PPWD1: variants seen among roughly 807,000 people sequenced by gnomAD.
PPWD1 encodes the protein peptidylprolyl isomerase domain and WD repeat containing 1.
In PPWD1, 43 loss-of-function variants were observed where a neutral mutation model predicts 68.8. That is an observed-to-expected ratio of 0.62 (90% CI 0.49 to 0.81). The LOEUF (loss-of-function observed/expected upper bound fraction) is 0.81, where lower values mean the gene tolerates loss of function less well. Ranked by LOEUF, PPWD1 falls within the 30% of genes least tolerant of loss-of-function variation. The probability of loss-of-function intolerance (pLI) is 0.00; values close to 1 mark genes in which losing one functional copy is unlikely to be tolerated. For missense variants in PPWD1, 672 were observed against 804.8 expected (o/e 0.83, Z 2.00); for synonymous variants, 232 against 258.7 (o/e 0.90, Z 0.99).
In PPWD1 at chr5:65,587,248, C is replaced by T. The variant is rs1477848322; in HGVS notation, c.1798-5C>T. On this transcript the variant is annotated splice_region_variant and splice_polypyrimidine_tract_variant and intron_variant, in intron 10 of 10. Coordinates refer to ENST00000261308, the MANE Select transcript of PPWD1 (RefSeq NM_015342.4). The stretch of plus-strand genomic sequence containing the variant: ...CCAAGATTTTCCATTTGTCCTCCAA[C>T]ACAGCCTTGGCTTGATAATAAGCAT... The T allele has an allele frequency of 5.0e-6, 8 of 1,596,372 alleles. No individual in the cohort carries two copies. Among genetic ancestry groups the T allele is most frequent in the South Asian group, 2.3e-5 (2 of 87,166 alleles).
chr5:65,577,182 A>G, intron 6 of PPWD1, 113 bp downstream of exon 6: 2 of 1,438,074 alleles, frequency 1.4e-6, no homozygotes, highest in Non-Finnish European at 1.8e-6. Flanking sequence ...AATGGCCCCA[A>G]ATGTCTAAAC....
chr5:65,582,981 A>G (rs1753661115), intron 7 of PPWD1, 57 bp from the exon 8 acceptor site: 36 of 1,448,212 alleles, frequency 2.5e-5, no homozygotes, highest in Non-Finnish European at 3.1e-5. Context: ...TGTTCATAAA[A>G]TTTTTACCAG....
intron 1 of PPWD1, chr5:65,563,739 CAG>C: frequency 7.0e-7 from 1 of 1,431,260 alleles, no homozygotes; most frequent in African/African-American, 1.4e-5. Context: ...TTTGTTATGA[CAG>C]ATGCTAAAAC....
rs1753899245 is a variant in PPWD1, at chr5:65,587,494, GTTTC to G, written c.*99_*102del. 2.1e-6 allele frequency: 2 copies of G among 934,112 alleles called. No homozygotes were observed. Among genetic ancestry groups the G allele is most frequent in the Non-Finnish European group, 2.9e-6 (2 of 678,686 alleles). The allele number at this position is 934,112 out of a possible 1,614,324, so 57.9% of individuals were successfully genotyped here. On this transcript the variant is annotated 3_prime_UTR_variant, in exon 11 of 11. Transcript: ENST00000261308. ...AGGACTTGCTGAATATACAGATCAT[GTTTC>G]AAAGATACAGTATTTTTGTATTTTT...
At chr5:65,578,791 T>TATATATAC (rs1753447955) in intron 6 of PPWD1, among the ~76,000 whole-genome samples, 2 of 145,510 alleles carry the variant, frequency 1.4e-5, no homozygotes, top group South Asian at 4.2e-4. Context: ...TGTGTATATA[T>TATATATAC]ATATACATAT....
intron 6 of PPWD1, among the ~76,000 whole-genome samples, chr5:65,577,836 T>C (rs1474913978): frequency 6.6e-6 from 1 of 152,110 alleles, no homozygotes; most frequent in Non-Finnish European, 1.5e-5. Context: ...ATTATCAACG[T>C]CCCCCACCAG....
intron 4 of PPWD1, 144 bp downstream of exon 4, chr5:65,570,142 A>G: frequency 1.6e-6 from 2 of 1,233,046 alleles, no homozygotes; most frequent in Non-Finnish European, 2.1e-6. Flanking sequence ...GGAAAATTAG[A>G]TACAGTGAAG....
intron 2 of PPWD1, chr5:65,568,818 T>C (rs1752882876): frequency 2.7e-6 from 1 of 367,002 alleles, no homozygotes; most frequent in Non-Finnish European, 5.4e-6. Context: ...GCACCTTTTC[T>C]AGTCTCAAGT....
intron 7 of PPWD1, among the ~76,000 whole-genome samples, chr5:65,581,042 A>G (rs1448145927): frequency 6.6e-6 from 1 of 152,204 alleles, no homozygotes; most frequent in Non-Finnish European, 1.5e-5. Context: ...ATTACAGTAT[A>G]TTCATTCATT....
intron 1 of PPWD1, among the ~76,000 whole-genome samples, chr5:65,565,025 A>C (rs1752669877): frequency 6.6e-6 from 1 of 152,196 alleles, no homozygotes; most frequent in African/African-American, 2.4e-5. Flanking sequence ...AATTTTGAAG[A>C]AGCTGTTTTT....
rs759451714 is a variant in PPWD1, at chr5:65,569,658, A to G, written c.326A>G (p.His109Arg). 6 of 1,596,600 alleles carry G rather than the reference A, an allele frequency of 3.8e-6. No homozygotes were observed. Among genetic ancestry groups the G allele is most frequent in the Non-Finnish European group, 5.1e-6 (6 of 1,166,268 alleles). Residue 109 changes from histidine to arginine, a missense_variant, in exon 3 of 11, where the codon CAT becomes CGT. Physicochemically the swap from His to Arg is conservative, Grantham distance 29. Around this residue, in one of 2 missense-constraint regions of PPWD1, gnomAD observed 188 missense variants for 158.6 expected, o/e 1.19. Transcript: ENST00000261308. ...TKTDFIITAS[H>R]DGHVKFWKKI... ...ACAGATTTTATTATTACTGCCAGTC[A>G]TGATGGACATGTCAAGTTCTGGAAA... is the stretch of plus-strand genomic sequence containing the variant.
In PPWD1 at chr5:65,587,418, C is replaced by A; in HGVS notation, c.*22C>A. 6.4e-7 allele frequency: 1 copy of A among 1,561,898 alleles called. No homozygotes were observed. Among genetic ancestry groups the A allele is most frequent in the Non-Finnish European group, 8.8e-7 (1 of 1,139,114 alleles). ...GTAAAATAAGATTTGTTTTAATGTA[C>A]TTGCAAATAAAAATACAATATTAAA... On this transcript the variant is annotated 3_prime_UTR_variant, in exon 11 of 11. Transcript: ENST00000261308.
chr5:65,579,388 G>A (rs1753492011), intron 6 of PPWD1, 36 bp from the exon 7 acceptor site: 1 of 1,419,290 alleles, frequency 7.0e-7, no homozygotes. Context: ...ATTAACTTCG[G>A]TGATTCTGTT....
At chr5:65,571,701 G>A (rs929097708) in intron 4 of PPWD1, 138 bp from the exon 5 acceptor site, 1 of 1,370,590 alleles carries the variant, frequency 7.3e-7, no homozygotes, top group Non-Finnish European at 9.7e-7. Context: ...TCCCCATTCT[G>A]TGTCTCTGCT....
At chr5:65,582,912 GAA>G (rs1397730863) in intron 7 of PPWD1, 124 bp from the exon 8 acceptor site, 2 of 1,263,474 alleles carry the variant, frequency 1.6e-6, no homozygotes, top group Non-Finnish European at 2.1e-6. Flanking sequence ...AGTGATTCCT[GAA>G]ATAAGGATTC....
At position 65,572,157 on chromosome 5, in the gene PPWD1, G is replaced by A. The variant is rs774843590; in HGVS notation, c.840G>A (p.Lys280=). ...DTDLYEFAKC[K]AYPTSVCFSP... ...ATTTATATGAATTTGCCAAGTGTAA[G>A]GCTTATCCAACCAGCGTATGTTTTT... The change falls in exon 5 of 11, where the codon AAG becomes AAA. Residue 280 remains lysine (K), a synonymous_variant. Coordinates refer to ENST00000261308, the MANE Select transcript of PPWD1 (RefSeq NM_015342.4). 6.2e-7 allele frequency: 1 copy of A among 1,614,022 alleles called. No individual in the cohort carries two copies. Among genetic ancestry groups the A allele is most frequent in the Non-Finnish European group, 8.5e-7 (1 of 1,179,952 alleles).
intron 7 of PPWD1, among the ~76,000 whole-genome samples, chr5:65,581,818 A>G (rs1753612701): frequency 6.6e-6 from 1 of 152,192 alleles, no homozygotes; most frequent in Non-Finnish European, 1.5e-5. Flanking sequence ...GAGTCTTACT[A>G]GTACATATTC....
At chr5:65,576,824 A>G (rs2150600426) in intron 5 of PPWD1, 55 bp from the exon 6 acceptor site, 2 of 1,553,554 alleles carry the variant, frequency 1.3e-6, no homozygotes, top group Admixed American at 3.8e-5. Context: ...ATGGGTTGAT[A>G]TAGATATAGG....
intron 2 of PPWD1, chr5:65,569,115 C>A: frequency 2.4e-6 from 1 of 412,262 alleles, no homozygotes; most frequent in Non-Finnish European, 4.8e-6. Flanking sequence ...TACTGGGTTT[C>A]CATAAATGAT....
Sources: allele counts gnomAD v4.1 joint callset (sites outside exome capture counted in the v4.1 genomes callset), GRCh38; gene constraint gnomAD v4.1.1; regional missense constraint gnomAD v4.1.1; transcripts MANE v1.5; gene names NCBI Gene and HGNC (gene_info 2026-07-23, HGNC 2026-07-21).